Variants in ACTR3C observed in about 807,000 individuals in gnomAD.
ACTR3C encodes the protein actin-related protein 3C.
In ACTR3C, 18 loss-of-function variants were observed where a neutral mutation model predicts 26.3. The observed-to-expected ratio is 0.68, with a 90% CI of 0.47 to 1.01. ACTR3C has a LOEUF of 1.01. Among genes scored for constraint, ACTR3C ranks in the 50% least tolerant of loss-of-function variants. The pLI is 0.00. For missense variants in ACTR3C, 184 were observed against 250.7 expected, an observed-to-expected ratio of 0.73 and a Z score of 1.80; for synonymous variants, 55 against 94.5, an observed-to-expected ratio of 0.58 and a Z score of 2.42.
chr7:149,957,013 T>C, the ACTR3C span, among the ~76,000 whole-genome samples: 3,017 of 152,272 alleles, frequency 0.02, 92 homozygotes, highest in African/African-American at 0.068. Context: ...TCATACAGAC[T>C]GGCTGTGAGA....
downstream of ACTR3C, among the ~76,000 whole-genome samples, chr7:150,242,228 A>C (rs1832224734): frequency 6.7e-6 from 1 of 150,004 alleles, no homozygotes. Flanking sequence ...AAAAAAAAAA[A>C]TGTGAGGGTG....
chr7:150,297,863 A>AG (rs1563194867), intron 1 of ACTR3C, among the ~76,000 whole-genome samples: 1 of 151,354 alleles, frequency 6.6e-6, no homozygotes, highest in Non-Finnish European at 1.5e-5. Flanking sequence ...AAAAAAAAAA[A>AG]AAAAAAAAAG....
the ACTR3C span, among the ~76,000 whole-genome samples, chr7:150,140,019 CACACACGT>C: frequency 6.6e-6 from 1 of 152,122 alleles, no homozygotes; most frequent in Non-Finnish European, 1.5e-5. Flanking sequence ...CACACATGCA[CACACACGT>C]ACACACATAC....
the ACTR3C span, among the ~76,000 whole-genome samples, chr7:150,086,842 A>G: frequency 5.3e-5 from 8 of 152,190 alleles, no homozygotes; most frequent in Non-Finnish European, 1.2e-4. Context: ...ACAGCTGACA[A>G]TCTGTCCCTT....
At chr7:150,000,752 G>T in the ACTR3C span, 1 of 138,188 alleles carries the variant, frequency 7.2e-6, no homozygotes, top group African/African-American at 2.6e-5. Context: ...CCTCAGCTCT[G>T]TTCCTTCCCC....
At chr7:150,103,062 GGTGTGTGTGTAT>G in the ACTR3C span, among the ~76,000 whole-genome samples, 2 of 142,226 alleles carry the variant, frequency 1.4e-5, no homozygotes, top group Non-Finnish European at 3.0e-5. Flanking sequence ...ATACAAAACA[GGTGTGTGTGTAT>G]GTGTGTGTGT....
the ACTR3C span, among the ~76,000 whole-genome samples, chr7:150,085,235 G>A: frequency 1.3e-5 from 2 of 152,162 alleles, no homozygotes; most frequent in African/African-American, 4.8e-5. Flanking sequence ...GGCTTGACAT[G>A]TAAAACCAGG....
At chr7:150,045,489 T>C in the ACTR3C span, among the ~76,000 whole-genome samples, 1 of 152,114 alleles carries the variant, frequency 6.6e-6, no homozygotes, top group Non-Finnish European at 1.5e-5. Context: ...AGTATATATG[T>C]GTGCATATAT....
At chr7:150,042,742 T>C in the ACTR3C span, among the ~76,000 whole-genome samples, 62 of 151,422 alleles carry the variant, frequency 4.1e-4, no homozygotes, top group African/African-American at 1.4e-3. Flanking sequence ...GGCCCTCTAA[T>C]AGGGGGGCCA....
At chr7:150,260,113 C>T (rs1486890072) in intron 6 of ACTR3C, among the ~76,000 whole-genome samples, 1 of 152,218 alleles carries the variant, frequency 6.6e-6, no homozygotes. Flanking sequence ...TTGCCTATAA[C>T]TGTTTTTGTA....
chr7:150,104,264 T>C, the ACTR3C span, among the ~76,000 whole-genome samples: 1 of 151,642 alleles, frequency 6.6e-6, no homozygotes, highest in South Asian at 2.1e-4. Flanking sequence ...GAAGAAACTA[T>C]GAGATTGAAC....
the ACTR3C span, among the ~76,000 whole-genome samples, chr7:150,180,325 A>C: frequency 6.7e-6 from 1 of 149,784 alleles, no homozygotes; most frequent in Non-Finnish European, 1.5e-5. Context: ...AACAAAAACA[A>C]AAAAAAGGAA....
At chr7:149,978,243 T>TAC in the ACTR3C span, among the ~76,000 whole-genome samples, 1 of 152,222 alleles carries the variant, frequency 6.6e-6, no homozygotes, top group African/African-American at 2.4e-5. Context: ...TGGCCCTGGT[T>TAC]ACCATGGACA....
At chr7:150,262,934 G>A (rs1165143895) in intron 6 of ACTR3C, among the ~76,000 whole-genome samples, 2 of 152,234 alleles carry the variant, frequency 1.3e-5, no homozygotes, top group Admixed American at 1.3e-4. Flanking sequence ...AAAACTGTGT[G>A]ATGAATGCCT....
At chr7:150,158,804 G>GCA in the ACTR3C span, among the ~76,000 whole-genome samples, 2 of 151,678 alleles carry the variant, frequency 1.3e-5, no homozygotes, top group South Asian at 4.2e-4. Context: ...ACACACACAC[G>GCA]CACACACACA....
At chr7:150,246,217 G>C (rs1360616998), downstream of ACTR3C, 1 of 152,194 alleles carries the variant, frequency 6.6e-6, no homozygotes, top group Non-Finnish European at 1.5e-5. Context: ...GAAAGTTCAA[G>C]CACAAGCACT....
At chr7:149,985,430 T>A in the ACTR3C span, among the ~76,000 whole-genome samples, 1 of 152,182 alleles carries the variant, frequency 6.6e-6, no homozygotes, top group African/African-American at 2.4e-5. Flanking sequence ...CTGTTTACTA[T>A]CTGCCATGCA....
intron 6 of ACTR3C, among the ~76,000 whole-genome samples, chr7:150,256,162 C>T (rs1833209020): frequency 6.6e-6 from 1 of 152,200 alleles, no homozygotes; most frequent in African/African-American, 2.4e-5. Flanking sequence ...TTTTGTTTAT[C>T]CAGTCCTCCA....
chr7:150,035,190 T>TAATCCCACGTAAGGTA, the ACTR3C span, among the ~76,000 whole-genome samples: 40 of 128,242 alleles, frequency 3.1e-4, no homozygotes, highest in African/African-American at 1.2e-3. Context: ...TGGCTCTCAG[T>TAATCCCACGTAAGGTA]CCCCGCCTCA....
Sources: gnomAD v4.1 joint callset for allele counts (sites outside exome capture counted in the v4.1 genomes callset) on GRCh38, gnomAD v4.1.1 for gene constraint, MANE v1.5 for transcripts, NCBI Gene and HGNC (gene_info 2026-07-23, HGNC 2026-07-21) for gene names.